The following LMNA variants were observed in gnomAD, a reference collection of about 807,000 sequenced individuals.
LMNA encodes the protein lamin.
A neutral mutation model predicts 70.4 loss-of-function variants in LMNA; 20 were observed. The observed-to-expected ratio is 0.28, with a 90% CI of 0.20 to 0.41. The LOEUF is 0.41. LMNA is among the 10% of genes least tolerant of loss of function. LMNA has a pLI of 1.00. For missense variants in LMNA, 652 were observed against 917.2 expected, an observed-to-expected ratio of 0.71 and a Z score of 3.73; for synonymous variants, 339 against 372.8, an observed-to-expected ratio of 0.91 and a Z score of 1.04.
Position 156,138,165 on chromosome 1 carries a change from T to G in LMNA, c.1699-323T>G. The G allele has an allele frequency of 1.8e-6, 1 of 545,952 alleles. No homozygotes were observed. The highest frequency in any genetic ancestry group is 1.9e-5 in the African/African-American group (1 of 52,956). The allele number at this position is 545,952 out of a possible 1,614,324, so 33.8% of individuals were successfully genotyped here. On this transcript the variant is annotated intron_variant, in intron 10 of 11. Transcript: ENST00000368300. The surrounding 1 kb of genome is among the most constrained non-coding windows in gnomAD (Gnocchi z 5.5). The stretch of plus-strand genomic sequence containing the variant: ...TTCCTGACCGCCCCTCCACTCCAAT[T>G]AATAGTGCATGCCTGCTGCCCTACA...
Position 156,135,552 on chromosome 1 carries a change from T to C in LMNA, c.936+240T>C. ...GGGCTTTGGTTTTCCCATTCGAAAA[T>C]GGAGGCTGTTCTTAATCTCCCTAAC... On this transcript the variant is annotated intron_variant, in intron 5 of 11. Transcript: ENST00000368300. This position sits in a 1 kb window ranked among gnomAD's most constrained non-coding sequence, Gnocchi z 4.8. 1.6e-6 allele frequency: 1 copy of C among 620,434 alleles called. No individual in the cohort carries two copies. The highest frequency in any genetic ancestry group is 2.8e-6 in the Non-Finnish European group (1 of 353,482). 38.4% of individuals were successfully genotyped at this position (620,434 alleles called of 1,614,324 possible). A position where few individuals can be genotyped will look rare whatever the true frequency, so the allele number is the denominator to read the frequency against.
Position 156,137,333 on chromosome 1 carries a change from CT to C in LMNA, c.1608+104del. On this transcript the variant is annotated intron_variant, in intron 9 of 11. Coordinates refer to ENST00000368300, the MANE Select transcript of LMNA (RefSeq NM_170707.4). The surrounding 1 kb of genome is among the most constrained non-coding windows in gnomAD (Gnocchi z 4.6). ...ACCCAAGTTTGCCAATTCAGGGCCC[CT>C]TTCTAGAGCTCTCTGTTGCAGGCTC... is the stretch of plus-strand genomic sequence containing the variant. The C allele has an allele frequency of 1.4e-6, 2 of 1,437,682 alleles. No homozygotes were observed. Among genetic ancestry groups the C allele is most frequent in the South Asian group, 2.5e-5 (2 of 81,190 alleles). The allele number at this position is 1,437,682 out of a possible 1,614,324, so 89.1% of individuals were successfully genotyped here.
chr1:156,119,199 C>A (rs1650032907), intron 1 of LMNA, among the ~76,000 whole-genome samples: 1 of 151,566 alleles, frequency 6.6e-6, no homozygotes, highest in South Asian at 2.1e-4. Flanking sequence ...CTCATTGCAA[C>A]CTCCACCTCC....
chr1:156,117,417 T>A (rs1008831654), intron 1 of LMNA, among the ~76,000 whole-genome samples: 1 of 151,868 alleles, frequency 6.6e-6, no homozygotes, highest in African/African-American at 2.4e-5. Context: ...ATATTTTTAG[T>A]AGAGACGGGG....
intron 3 of LMNA, among the ~76,000 whole-genome samples, chr1:156,091,796 A>G (rs1286115765): frequency 1.3e-5 from 2 of 152,170 alleles, no homozygotes; most frequent in African/African-American, 4.8e-5. Context: ...TCTGGTAGTG[A>G]TCATCACTGC....
intron 1 of LMNA, chr1:156,123,188 G>A (rs557877051): frequency 6.6e-6 from 1 of 152,366 alleles, no homozygotes; most frequent in South Asian, 2.1e-4. Context: ...AAGGGAGATA[G>A]GACACATGAG....
intron 3 of LMNA, among the ~76,000 whole-genome samples, chr1:156,107,675 C>T (rs1263824170): frequency 1.3e-5 from 2 of 152,150 alleles, no homozygotes; most frequent in Non-Finnish European, 2.9e-5. Context: ...CATCTAAGGG[C>T]CCGCTTCTCA....
Position 156,135,344 on chromosome 1 carries a change from G to C in LMNA, c.936+32G>C. On this transcript the variant is annotated intron_variant, in intron 5 of 11. Transcript: ENST00000368300. This position sits in a 1 kb window ranked among gnomAD's most constrained non-coding sequence, Gnocchi z 4.8. ...CCCCACCTCACCCCTCTCTCCAGGG[G>C]CCTAGAGTCTGGGCCGGATGCAGGC... 1 of 1,517,754 alleles carries C rather than the reference G, an allele frequency of 6.6e-7. No homozygotes were observed. Among genetic ancestry groups the C allele is most frequent in the Non-Finnish European group, 8.9e-7 (1 of 1,122,216 alleles). The allele number at this position is 1,517,754 out of a possible 1,614,324, so 94.0% of individuals were successfully genotyped here.
chr1:156,108,972 G>A (rs191030378), intron 3 of LMNA, among the ~76,000 whole-genome samples: 1 of 152,284 alleles, frequency 6.6e-6, no homozygotes, highest in Non-Finnish European at 1.5e-5. Flanking sequence ...AACCTTCTCT[G>A]ACAACAGAGA....
At chr1:156,131,742 G>T (rs2102869712) in intron 2 of LMNA, among the ~76,000 whole-genome samples, 1 of 152,346 alleles carries the variant, frequency 6.6e-6, no homozygotes, top group East Asian at 1.9e-4. Flanking sequence ...GGAAAAGGAG[G>T]ACTGGAGTTG....
intron 1 of LMNA, among the ~76,000 whole-genome samples, chr1:156,119,709 G>C (rs1010827991): frequency 2.0e-5 from 3 of 152,170 alleles, no homozygotes; most frequent in Non-Finnish European, 4.4e-5. Context: ...AAGGCAGCTG[G>C]GTGGATGACT....
Position 156,138,900 on chromosome 1 carries a change from G to A in LMNA, c.1968+143G>A. 7.6e-7 allele frequency: 1 copy of A among 1,323,518 alleles called. No individual in the cohort carries two copies. 82.0% of individuals were successfully genotyped at this position (1,323,518 alleles called of 1,614,324 possible). A position where few individuals can be genotyped will look rare whatever the true frequency, so the allele number is the denominator to read the frequency against. ...TGGGAGCCTCCTCCCCACAGCCTGA[G>A]TCCTAGACAGCCCACCTCTGCATCC... On this transcript the variant is annotated intron_variant, in intron 11 of 11. Coordinates refer to ENST00000368300, the MANE Select transcript of LMNA (RefSeq NM_170707.4). The surrounding 1 kb of genome is among the most constrained non-coding windows in gnomAD (Gnocchi z 5.5).
At position 156,138,679 on chromosome 1, in the gene LMNA, G is replaced by A. The variant is rs770389147; in HGVS notation, c.1890G>A (p.Gly630=). ...VTVTRSYRSV[G]GSGGGSFGDN... is the part of the protein sequence containing the mutation. The stretch of plus-strand genomic sequence containing the variant: ...TCACTCGCAGCTACCGCAGTGTGGG[G>A]GGCAGTGGGGGTGGCAGCTTCGGGG... The change falls in exon 11 of 12, where the codon GGG becomes GGA. Residue 630 remains glycine, a synonymous_variant. Transcript: ENST00000368300. This position sits in a 1 kb window ranked among gnomAD's most constrained non-coding sequence, Gnocchi z 5.5. 8.1e-6 allele frequency: 13 copies of A among 1,613,718 alleles called. No homozygotes were observed. Among genetic ancestry groups the A allele is most frequent in the East Asian group, 2.2e-5 (1 of 44,888 alleles).
chr1:156,113,600 C>T (rs1345153893), upstream of LMNA, among the ~76,000 whole-genome samples: 1 of 152,120 alleles, frequency 6.6e-6, no homozygotes, highest in Non-Finnish European at 1.5e-5. Flanking sequence ...GCTGTGGGGT[C>T]TTTGCTGTTC....
chr1:156,120,606 G>A (rs1650120536), intron 1 of LMNA, among the ~76,000 whole-genome samples: 1 of 152,156 alleles, frequency 6.6e-6, no homozygotes, highest in South Asian at 2.1e-4. Context: ...CCAGCTGCTT[G>A]GGAAGCTGAG....
intron 2 of LMNA, among the ~76,000 whole-genome samples, chr1:156,132,256 G>A (rs1476770416): frequency 1.3e-5 from 2 of 152,116 alleles, no homozygotes; most frequent in Admixed American, 1.3e-4. Context: ...GATCACCTGA[G>A]GTTAGGAGTT....
intron 3 of LMNA, among the ~76,000 whole-genome samples, chr1:156,092,363 C>T (rs1288490427): frequency 1.3e-5 from 2 of 151,738 alleles, no homozygotes; most frequent in African/African-American, 2.4e-5. Flanking sequence ...GGTGACAGAG[C>T]GAGATCCCAT....
intron 2 of LMNA, among the ~76,000 whole-genome samples, chr1:156,132,939 A>C (rs1360189681): frequency 6.7e-6 from 1 of 150,016 alleles, no homozygotes; most frequent in African/African-American, 2.5e-5. Context: ...TCCCAGGTTC[A>C]AGCAATTCTC....
At chr1:156,086,880 C>T (rs1254943431) in intron 2 of LMNA, among the ~76,000 whole-genome samples, 1 of 152,178 alleles carries the variant, frequency 6.6e-6, no homozygotes, top group Non-Finnish European at 1.5e-5. Context: ...CTCAGGTGAT[C>T]CGCCCCCACC....
Sources: allele counts gnomAD v4.1 joint callset (sites outside exome capture counted in the v4.1 genomes callset), GRCh38; gene constraint gnomAD v4.1.1; non-coding constraint Gnocchi (gnomAD v3.1); transcripts MANE v1.5; gene names NCBI Gene and HGNC (gene_info 2026-07-23, HGNC 2026-07-21).